Variants in UTRN observed in about 807,000 individuals in gnomAD.
The protein encoded by UTRN is utrophin.
In UTRN, 283 loss-of-function variants were observed where a neutral mutation model predicts 463.9. The ratio of observed to expected loss-of-function variants is 0.61; its 90% CI spans 0.55 to 0.67. The LOEUF (loss-of-function observed/expected upper bound fraction) is 0.67. UTRN is among the 30% of genes least tolerant of loss of function. The pLI is 0.00. For synonymous variants in UTRN, 1,442 were observed against 1,431.5 expected (o/e 1.01, Z -0.17); for missense variants, 3,922 against 4,084.3 (o/e 0.96, Z 1.08).
chr6:144,578,549 G>C (rs1331456862), intron 51 of UTRN, among the ~76,000 whole-genome samples: 1 of 152,132 alleles, frequency 6.6e-6, no homozygotes, highest in Admixed American at 6.5e-5. Context: ...TGGCCAGGCT[G>C]GTCTCAAACT....
chr6:144,321,710 T>A (rs1418513372), intron 2 of UTRN, among the ~76,000 whole-genome samples: 1 of 151,718 alleles, frequency 6.6e-6, no homozygotes, highest in Non-Finnish European at 1.5e-5. Context: ...GGCTTCGTGA[T>A]CTGCCCACCT....
intron 69 of UTRN, among the ~76,000 whole-genome samples, chr6:144,833,400 G>A (rs571645376): frequency 6.6e-6 from 1 of 152,220 alleles, no homozygotes; most frequent in East Asian, 1.9e-4. Context: ...ATGATTTACT[G>A]TTTTATTTTG....
chr6:144,523,482 G>T (rs886378107), intron 41 of UTRN, among the ~76,000 whole-genome samples: 1 of 147,410 alleles, frequency 6.8e-6, no homozygotes, highest in Non-Finnish European at 1.5e-5. Context: ...GCTAATTTTT[G>T]TATTTTTAGT....
At chr6:144,512,555 A>G (rs879846319) in intron 35 of UTRN, among the ~76,000 whole-genome samples, 1 of 145,576 alleles carries the variant, frequency 6.9e-6, no homozygotes, top group African/African-American at 2.5e-5. Flanking sequence ...TTATTTGTTC[A>G]CTTTTTTTTT....
chr6:144,538,689 A>C (rs1400464027), intron 44 of UTRN, among the ~76,000 whole-genome samples: 1 of 151,006 alleles, frequency 6.6e-6, no homozygotes, highest in Non-Finnish European at 1.5e-5. Context: ...AAAAAAAAAG[A>C]AATTATGAGT....
intron 65 of UTRN, among the ~76,000 whole-genome samples, chr6:144,813,171 ATTTTTATT>A (rs1778774662): frequency 6.6e-6 from 1 of 150,988 alleles, no homozygotes; most frequent in Non-Finnish European, 1.5e-5. Flanking sequence ...TTATTTTTTT[ATTTTTATT>A]TTTATTTATT....
At chr6:144,600,929 C>T (rs1225446196) in intron 51 of UTRN, among the ~76,000 whole-genome samples, 3 of 152,114 alleles carry the variant, frequency 2.0e-5, no homozygotes, top group Admixed American at 6.6e-5. Flanking sequence ...CCTACCATTC[C>T]GAAAATCCTA....
intron 64 of UTRN, among the ~76,000 whole-genome samples, chr6:144,799,875 A>G (rs1409917964): frequency 6.6e-6 from 1 of 152,216 alleles, no homozygotes; most frequent in Non-Finnish European, 1.5e-5. Flanking sequence ...TTCTTAATCA[A>G]GATGGTTTTA....
chr6:144,813,996 G>T (rs1236050034), intron 65 of UTRN, among the ~76,000 whole-genome samples: 4 of 152,154 alleles, frequency 2.6e-5, no homozygotes, highest in East Asian at 3.9e-4. Flanking sequence ...AAAGGAGAAG[G>T]CCTAGTCCAA....
Position 144,541,417 on chromosome 6 carries a change from G to A in UTRN, c.6520-1378G>A, listed in dbSNP as rs369611943. On this transcript the variant is annotated intron_variant, in intron 45 of 74. Transcript: ENST00000367545. ...GAAAAGGGCACAGTTGTTAATTTGG[G>A]TGCACTATGTCAGACAAAGCTAGAG... Among the ~76,000 whole-genome samples, 41 of 152,256 alleles carry A rather than the reference G, an allele frequency of 2.7e-4. No homozygotes were observed. In the East Asian group the frequency reaches 2.9e-3, roughly 11 times the overall value.
intron 46 of UTRN, among the ~76,000 whole-genome samples, chr6:144,544,011 T>G (rs1476952292): frequency 7.9e-5 from 12 of 152,198 alleles, no homozygotes; most frequent in Non-Finnish European, 1.8e-4. Flanking sequence ...GGGAAAGAAT[T>G]TGATGCATTT....
intron 50 of UTRN, among the ~76,000 whole-genome samples, chr6:144,562,540 CT>C (rs1305828035): frequency 6.6e-6 from 1 of 152,066 alleles, no homozygotes; most frequent in Non-Finnish European, 1.5e-5. Flanking sequence ...GATCTCATTC[CT>C]TTTTATGGCT....
intron 47 of UTRN, 29 bp downstream of exon 47, chr6:144,548,883 G>A (rs747336021): frequency 6.2e-7 from 1 of 1,607,270 alleles, no homozygotes; most frequent in Non-Finnish European, 8.5e-7. Flanking sequence ...AGCTTGTCAT[G>A]GAAACGCCAC....
intron 53 of UTRN, among the ~76,000 whole-genome samples, chr6:144,724,132 T>C (rs1003437975): frequency 1.3e-5 from 2 of 151,400 alleles, no homozygotes; most frequent in African/African-American, 4.8e-5. Context: ...TATTCCTGTA[T>C]CATAATATTT....
intron 51 of UTRN, among the ~76,000 whole-genome samples, chr6:144,638,238 G>T (rs1777391388): frequency 1.3e-5 from 2 of 152,312 alleles, no homozygotes; most frequent in Non-Finnish European, 1.5e-5. Context: ...AAGTACAGGG[G>T]ACTTTTCTTT....
Position 144,730,475 on chromosome 6 carries a change from A to C in UTRN, c.7928A>C (p.Gln2643Pro), listed in dbSNP as rs777536801. 1 of 1,607,916 alleles carries C rather than the reference A, an allele frequency of 6.2e-7. No homozygotes were observed. The change falls in exon 54 of 75, where the codon CAA becomes CCA. Residue 2643 changes from glutamine to proline, a missense_variant. By Grantham distance (76) the Gln-to-Pro change is moderately conservative. Transcript: ENST00000367545. ...EAPEEPRRNL[Q>P]SKTELTPEER... ...CCTGAAGAGCCAAGAAGAAACCTAC[A>C]ATCAAAAACAGGTGAGACTGGTTTC...
intron 51 of UTRN, among the ~76,000 whole-genome samples, chr6:144,638,273 A>T (rs11756963): frequency 0.14 from 20,576 of 152,252 alleles, 1,724 homozygotes; most frequent in South Asian, 0.27. Context: ...TATACTCGGA[A>T]GATAAGCTCT....
At chr6:144,823,391 T>A (rs1267699700) in intron 66 of UTRN, among the ~76,000 whole-genome samples, 1 of 152,130 alleles carries the variant, frequency 6.6e-6, no homozygotes, top group East Asian at 1.9e-4. Flanking sequence ...TTTATGTGAG[T>A]GGGTAATAAA....
chr6:144,462,627 T>G, intron 22 of UTRN, 27 bp from the exon 23 acceptor site: 1 of 1,571,396 alleles, frequency 6.4e-7, no homozygotes, highest in Non-Finnish European at 8.6e-7. Context: ...TTTGTGCATA[T>G]TTTTAATCTT....
Sources: gnomAD v4.1 joint callset for allele counts (sites outside exome capture counted in the v4.1 genomes callset) on GRCh38, gnomAD v4.1.1 for gene constraint, MANE v1.5 for transcripts, NCBI Gene and HGNC (gene_info 2026-07-23, HGNC 2026-07-21) for gene names.